CDC37L1: variants seen among roughly 807,000 people sequenced by gnomAD.
The protein encoded by CDC37L1 is hsp90 co-chaperone Cdc37-like 1.
A neutral mutation model predicts 45.9 loss-of-function variants in CDC37L1; 32 were observed. The observed-to-expected ratio is 0.70, with a 90% CI of 0.53 to 0.94. The LOEUF is 0.94. Ranked by LOEUF, CDC37L1 falls within the 40% of genes least tolerant of loss-of-function variation. The probability of loss-of-function intolerance (pLI) is 0.00; values close to 1 mark genes in which losing one functional copy is unlikely to be tolerated. For missense variants in CDC37L1, 434 were observed against 405.7 expected (o/e 1.07, Z -0.60); for synonymous variants, 150 against 133.0 (o/e 1.13, Z -0.88).
rs1471934812 is a variant in CDC37L1, at chr9:4,689,776, G to A, written c.508+1170G>A. Among the ~76,000 whole-genome samples the A allele has an allele frequency of 2.0e-5, 3 of 152,182 alleles. No individual in the cohort carries two copies. In the South Asian group the frequency reaches 6.2e-4, roughly 32 times the overall value. ...GCAAAAAATTTGCACATGAATCTTAGTTGTGATATGTGAATTGCCACTCCC... is the reference window on the plus strand; with the variant it reads ...GCAAAAAATTTGCACATGAATCTTAATTGTGATATGTGAATTGCCACTCCC... On this transcript the variant is annotated intron_variant, in intron 3 of 6. Coordinates refer to ENST00000381854, the MANE Select transcript of CDC37L1 (RefSeq NM_017913.4).
At chr9:4,681,671 A>G (rs755316818) in intron 1 of CDC37L1, among the ~76,000 whole-genome samples, 1 of 152,138 alleles carries the variant, frequency 6.6e-6, no homozygotes, top group Non-Finnish European at 1.5e-5. Context: ...ACTGATTATT[A>G]ATTCTGAGTT....
intron 3 of CDC37L1, among the ~76,000 whole-genome samples, chr9:4,694,731 C>T (rs1475853173): frequency 2.0e-5 from 3 of 151,886 alleles, no homozygotes; most frequent in African/African-American, 7.3e-5. Context: ...ATTAACTGGG[C>T]GTGGTGACAC....
intron 1 of CDC37L1, among the ~76,000 whole-genome samples, chr9:4,683,940 A>C (rs1343602378): frequency 6.6e-6 from 1 of 152,234 alleles, no homozygotes; most frequent in Non-Finnish European, 1.5e-5. Context: ...AGTAATTACT[A>C]CTGCTTCGGA....
chr9:4,691,779 T>G (rs1841303108), intron 3 of CDC37L1, among the ~76,000 whole-genome samples: 2 of 152,228 alleles, frequency 1.3e-5, no homozygotes, highest in Admixed American at 1.3e-4. Context: ...CATGGACTAT[T>G]ATAAAGCATT....
At chr9:4,699,569 AT>A (rs1254142904) in intron 5 of CDC37L1, among the ~76,000 whole-genome samples, 2 of 152,098 alleles carry the variant, frequency 1.3e-5, no homozygotes, top group East Asian at 1.9e-4. Flanking sequence ...CGTATTTTGT[AT>A]TTTTTTATAA....
chr9:4,692,182 AC>A (rs1841306697), intron 3 of CDC37L1, among the ~76,000 whole-genome samples: 1 of 149,528 alleles, frequency 6.7e-6, no homozygotes, highest in South Asian at 2.3e-4. Flanking sequence ...CTTTTAAAAA[AC>A]ATATCAATAT....
chr9:4,700,512 T>G (rs1247425926), intron 5 of CDC37L1, among the ~76,000 whole-genome samples: 1 of 152,206 alleles, frequency 6.6e-6, no homozygotes, highest in Admixed American at 6.5e-5. Flanking sequence ...TATCTTACAT[T>G]AATGGATGTG....
At chr9:4,688,143 G>C (rs970603030) in intron 2 of CDC37L1, among the ~76,000 whole-genome samples, 1 of 152,168 alleles carries the variant, frequency 6.6e-6, no homozygotes, top group Non-Finnish European at 1.5e-5. Flanking sequence ...GGGATTACAG[G>C]CATCCACCAC....
chr9:4,703,356 GA>G (rs113364976), intron 6 of CDC37L1: 23,997 of 180,530 alleles, frequency 0.13, 487 homozygotes, highest in Middle Eastern at 0.2. Flanking sequence ...TACTCTGGCT[GA>G]AAAAAAAAAA....
At chr9:4,690,269 G>A (rs570467491) in intron 3 of CDC37L1, among the ~76,000 whole-genome samples, 2 of 152,186 alleles carry the variant, frequency 1.3e-5, no homozygotes, top group Non-Finnish European at 2.9e-5. Context: ...CTGATTAGAA[G>A]CATGGCAAGG....
At chr9:4,683,235 G>A (rs773946417) in intron 1 of CDC37L1, among the ~76,000 whole-genome samples, 53 of 151,108 alleles carry the variant, frequency 3.5e-4, no homozygotes, top group Non-Finnish European at 5.9e-5. Flanking sequence ...AATAGCAAGT[G>A]TCCACATTTG....
intron 5 of CDC37L1, among the ~76,000 whole-genome samples, chr9:4,699,671 A>G (rs1841379900): frequency 6.6e-6 from 1 of 152,056 alleles, no homozygotes; most frequent in African/African-American, 2.4e-5. Flanking sequence ...GGAATAATTA[A>G]GAAGACAAAA....
At chr9:4,682,189 G>C (rs570092668) in intron 1 of CDC37L1, among the ~76,000 whole-genome samples, 20 of 122,676 alleles carry the variant, frequency 1.6e-4, no homozygotes, top group Non-Finnish European at 2.6e-4. Context: ...TTGAGGCAGT[G>C]TCTTGCTGTG....
chr9:4,704,869 A>G (rs1349583496), intron 6 of CDC37L1, among the ~76,000 whole-genome samples: 1 of 152,118 alleles, frequency 6.6e-6, no homozygotes, highest in East Asian at 1.9e-4. Flanking sequence ...CCTGTAGACT[A>G]GTTTTTAATT....
At chr9:4,687,826 G>T (rs1204227996) in intron 2 of CDC37L1, among the ~76,000 whole-genome samples, 2 of 151,986 alleles carry the variant, frequency 1.3e-5, no homozygotes, top group African/African-American at 4.8e-5. Context: ...GAAAGATTAG[G>T]CAAGAGTTGC....
intron 3 of CDC37L1, among the ~76,000 whole-genome samples, chr9:4,693,865 C>G (rs1321436707): frequency 6.6e-6 from 1 of 152,088 alleles, no homozygotes; most frequent in Non-Finnish European, 1.5e-5. Flanking sequence ...CTATTTTTAG[C>G]CCTATTTTAC....
chr9:4,691,250 G>T (rs73397604), intron 3 of CDC37L1, among the ~76,000 whole-genome samples: 4 of 152,146 alleles, frequency 2.6e-5, no homozygotes, highest in African/African-American at 9.6e-5. Flanking sequence ...TGTGTCTTGG[G>T]GATTTGTTGT....
chr9:4,707,138 T>A lies in CDC37L1; in HGVS notation c.*1026T>A, dbSNP rs1193009802. The A allele has an allele frequency of 6.6e-6, 1 of 152,198 alleles. No individual in the cohort carries two copies. The highest frequency in any genetic ancestry group is 1.5e-5 in the Non-Finnish European group (1 of 68,014). The allele number at this position is 152,198 out of a possible 1,614,324, so 9.4% of individuals were successfully genotyped here. On this transcript the variant is annotated 3_prime_UTR_variant, in exon 7 of 7. Transcript: ENST00000381854. The stretch of plus-strand genomic sequence containing the variant: ...CTGAGAATTTGGTGACTCTTATTGG[T>A]AATGATGGCATTTACAACATTTGGC...
chr9:4,697,832 A>G lies in CDC37L1; in HGVS notation c.700A>G (p.Asn234Asp), dbSNP rs1239420046. 1.2e-6 allele frequency: 2 copies of G among 1,610,464 alleles called. No individual in the cohort carries two copies. Among genetic ancestry groups the G allele is most frequent in the Admixed American group, 3.3e-5 (2 of 59,978 alleles). ...QFIMEMAKNC[N>D]VDPRGCFRLF... is the part of the protein sequence containing the mutation. Reference sequence around the variant, plus strand: ...TATTATGGAAATGGCCAAAAACTGTAATGTGGATCCAAGAGGGTGTTTTCG... The same window carrying G: ...TATTATGGAAATGGCCAAAAACTGTGATGTGGATCCAAGAGGGTGTTTTCG... The change falls in exon 5 of 7, where the codon AAT becomes GAT. Residue 234 changes from asparagine to aspartate, a missense_variant. Physicochemically the swap from Asn to Asp is conservative, Grantham distance 23. Coordinates refer to ENST00000381854, the MANE Select transcript of CDC37L1 (RefSeq NM_017913.4).
Sources: allele counts gnomAD v4.1 joint callset (sites outside exome capture counted in the v4.1 genomes callset), GRCh38; gene constraint gnomAD v4.1.1; transcripts MANE v1.5; gene names NCBI Gene and HGNC (gene_info 2026-07-23, HGNC 2026-07-21).